NLGN1: variants seen among roughly 807,000 people sequenced by gnomAD.
NLGN1 encodes neuroligin 1, also known as neuroligin-1.
In NLGN1, 12 loss-of-function variants were observed where a neutral mutation model predicts 65.5. The observed-to-expected ratio is 0.18, with a 90% CI of 0.12 to 0.30. NLGN1 has a LOEUF of 0.30. Among genes scored for constraint, NLGN1 ranks in the 10% least tolerant of loss-of-function variants. The pLI, the probability that NLGN1 is intolerant of heterozygous loss-of-function variation, is 1.00. For synonymous variants in NLGN1, 350 were observed against 359.5 expected (o/e 0.97, Z 0.30); for missense variants, 750 against 1,007.1 (o/e 0.74, Z 3.46).
intron 4 of NLGN1, among the ~76,000 whole-genome samples, chr3:173,903,208 G>A (rs1016597561): frequency 2.0e-5 from 3 of 152,078 alleles, no homozygotes; most frequent in African/African-American, 7.2e-5. Context: ...GGCCTCATTA[G>A]ATCAGATCGG....
intron 4 of NLGN1, among the ~76,000 whole-genome samples, chr3:174,248,600 A>G (rs1243502327): frequency 1.3e-5 from 2 of 152,004 alleles, no homozygotes; most frequent in African/African-American, 4.8e-5. Flanking sequence ...TCTCTACTAA[A>G]AATATAAAAA....
At chr3:173,483,509 A>G (rs1369172751) in intron 2 of NLGN1, among the ~76,000 whole-genome samples, 1 of 152,130 alleles carries the variant, frequency 6.6e-6, no homozygotes, top group Non-Finnish European at 1.5e-5. Context: ...TTATCATTCA[A>G]ACATACCAGA....
intron 3 of NLGN1, among the ~76,000 whole-genome samples, chr3:173,749,528 C>T (rs1278662402): frequency 6.6e-6 from 1 of 152,002 alleles, no homozygotes; most frequent in Admixed American, 6.6e-5. Flanking sequence ...GCTTGAATGC[C>T]AATCAATCAA....
At chr3:173,831,702 G>C (rs1722605387) in intron 4 of NLGN1, among the ~76,000 whole-genome samples, 1 of 152,070 alleles carries the variant, frequency 6.6e-6, no homozygotes. Flanking sequence ...TTTTATGGCT[G>C]TCTGGCCCAA....
At chr3:173,915,784 T>TC (rs1380159631) in intron 4 of NLGN1, among the ~76,000 whole-genome samples, 3 of 152,156 alleles carry the variant, frequency 2.0e-5, no homozygotes, top group African/African-American at 7.2e-5. Context: ...CCTTTTTCTT[T>TC]CCAGAAAACC....
chr3:173,850,304 G>A (rs943729886), intron 4 of NLGN1, among the ~76,000 whole-genome samples: 3 of 152,020 alleles, frequency 2.0e-5, no homozygotes, highest in Admixed American at 6.6e-5. Flanking sequence ...TCTCTTTATG[G>A]TAATGACTAT....
At chr3:174,000,664 G>A (rs1723102917) in intron 4 of NLGN1, among the ~76,000 whole-genome samples, 2 of 152,168 alleles carry the variant, frequency 1.3e-5, no homozygotes, top group Non-Finnish European at 1.5e-5. Flanking sequence ...AGCATCAAAT[G>A]TGAAAGTCAC....
At chr3:173,615,887 C>T (rs200240707) in intron 3 of NLGN1, among the ~76,000 whole-genome samples, 1 of 152,004 alleles carries the variant, frequency 6.6e-6, no homozygotes, top group African/African-American at 2.4e-5. Context: ...TGTTCTAGGG[C>T]TTTTTCTCAC....
At chr3:173,659,465 T>G (rs1760592794) in intron 3 of NLGN1, among the ~76,000 whole-genome samples, 1 of 151,932 alleles carries the variant, frequency 6.6e-6, no homozygotes. Flanking sequence ...ACCTAGTGTG[T>G]ACAGGGATAT....
intron 2 of NLGN1, among the ~76,000 whole-genome samples, chr3:173,590,941 A>G (rs1748372451): frequency 6.6e-6 from 1 of 152,180 alleles, no homozygotes; most frequent in African/African-American, 2.4e-5. Context: ...AAGGTACATT[A>G]GAGCTATTTT....
At chr3:174,223,870 C>T (rs931669474) in intron 4 of NLGN1, among the ~76,000 whole-genome samples, 3 of 152,086 alleles carry the variant, frequency 2.0e-5, no homozygotes, top group Admixed American at 1.3e-4. Context: ...CATTTTCTCC[C>T]TGAGTTAATG....
chr3:174,056,043 C>A (rs571292494), intron 4 of NLGN1, among the ~76,000 whole-genome samples: 2 of 151,780 alleles, frequency 1.3e-5, no homozygotes, highest in East Asian at 3.9e-4. Context: ...ACATGTGTTA[C>A]CTCTATTATT....
At chr3:173,535,025 C>T (rs1363051165) in intron 2 of NLGN1, among the ~76,000 whole-genome samples, 1 of 152,144 alleles carries the variant, frequency 6.6e-6, no homozygotes, top group African/African-American at 2.4e-5. Flanking sequence ...ATACCACTCT[C>T]CCCCAATCAC....
At chr3:173,855,762 T>C (rs890992653) in intron 4 of NLGN1, among the ~76,000 whole-genome samples, 1 of 152,314 alleles carries the variant, frequency 6.6e-6, no homozygotes, top group South Asian at 2.1e-4. Context: ...ATTCTGAGTA[T>C]TGCCAGTTGC....
chr3:173,873,090 A>ATTT (rs71702635), intron 4 of NLGN1, among the ~76,000 whole-genome samples: 10 of 141,354 alleles, frequency 7.1e-5, no homozygotes, highest in African/African-American at 2.6e-4. Flanking sequence ...TGTATGATGG[A>ATTT]TTTTTTTTTT....
intron 4 of NLGN1, among the ~76,000 whole-genome samples, chr3:173,915,240 A>ACAAAT (rs576195400): frequency 5.3e-4 from 80 of 152,334 alleles, no homozygotes; most frequent in African/African-American, 1.8e-3. Flanking sequence ...GAACACATGA[A>ACAAAT]CAAATCGATG....
chr3:173,702,929 C>T (rs4533678), intron 3 of NLGN1, among the ~76,000 whole-genome samples: 23,714 of 152,128 alleles, frequency 0.16, 1,882 homozygotes, highest in Non-Finnish European at 0.18. Context: ...TCTTTTATTT[C>T]ACAAAGACTA....
At chr3:174,270,607 G>GTGAC (rs1171104176) in intron 4 of NLGN1, among the ~76,000 whole-genome samples, 1 of 151,840 alleles carries the variant, frequency 6.6e-6, no homozygotes, top group African/African-American at 2.4e-5. Flanking sequence ...TAGGTGAGTA[G>GTGAC]TGACAGATAG....
intron 4 of NLGN1, among the ~76,000 whole-genome samples, chr3:174,020,775 G>T (rs1727597461): frequency 6.6e-6 from 1 of 152,030 alleles, no homozygotes; most frequent in African/African-American, 2.4e-5. Context: ...TTATGTTTTT[G>T]AATACATGGG....
Sources: allele counts gnomAD v4.1 joint callset (sites outside exome capture counted in the v4.1 genomes callset), GRCh38; gene constraint gnomAD v4.1.1; transcripts MANE v1.5; gene names NCBI Gene and HGNC (gene_info 2026-07-23, HGNC 2026-07-21).